Variants in SEPTIN4 observed in about 807,000 individuals in gnomAD.
SEPTIN4 encodes the protein septin 4.
A neutral mutation model predicts 107.1 loss-of-function variants in SEPTIN4; 52 were observed. The observed-to-expected ratio is 0.49, with a 90% CI of 0.39 to 0.61. The LOEUF (loss-of-function observed/expected upper bound fraction) is 0.61. Among genes scored for constraint, SEPTIN4 ranks in the 20% least tolerant of loss-of-function variants. The pLI is 0.00. For missense variants in SEPTIN4, 1,048 were observed against 1,243.5 expected (o/e 0.84, Z 2.36); for synonymous variants, 417 against 467.0 (o/e 0.89, Z 1.38).
In SEPTIN4 at chr17:58,526,305, C is replaced by T. The variant is rs1192193306; in HGVS notation, c.1920G>A (p.Lys640=). The T allele has an allele frequency of 1.2e-5, 19 of 1,587,336 alleles. No individual in the cohort carries two copies. The highest frequency in any genetic ancestry group is 1.5e-5 in the Non-Finnish European group (18 of 1,167,116). The change falls in exon 5 of 14, where the codon AAG becomes AAA. Residue 640 remains lysine (K), a synonymous_variant. Coordinates refer to ENST00000672673, the MANE Select transcript of SEPTIN4 (RefSeq NM_001368771.2). ...GGAGGGTTGCAAAGCCCACATACTC[C>T]TTGTCATCCTAGTAGACAGGAAGGC... ...LDPYDSSEDD[K]EYVGFATLPN... is the part of the protein sequence containing the mutation.
intron 3 of SEPTIN4, chr17:58,529,351 G>A: frequency 6.8e-7 from 1 of 1,472,300 alleles, no homozygotes; most frequent in Non-Finnish European, 9.0e-7. Context: ...AAAAAAGCCT[G>A]TGGAATGTCC....
Position 58,543,841 on chromosome 17 carries a change from C to A in SEPTIN4, c.346G>T (p.Ala116Ser). 6.2e-7 allele frequency: 1 copy of A among 1,614,154 alleles called. No homozygotes were observed. The highest frequency in any genetic ancestry group is 8.5e-7 in the Non-Finnish European group (1 of 1,180,036). ...SQKTQTLASH[A>S]SSRQWKVSPP... is the part of the protein sequence containing the mutation. Reference sequence around the variant, plus strand: ...CTAACTTTCCATTGTCTGCTTGAAGCATGGGAAGCCAGTGTCTGAGTCTTC... The same window carrying A: ...CTAACTTTCCATTGTCTGCTTGAAGAATGGGAAGCCAGTGTCTGAGTCTTC... The change falls in exon 1 of 14, where the codon GCT becomes TCT. Residue 116 changes from alanine to serine, a missense_variant. By Grantham distance (99) the Ala-to-Ser change is moderately conservative. Transcript: ENST00000672673.
intron 5 of SEPTIN4, 153 bp from the exon 6 acceptor site, chr17:58,525,934 C>T: frequency 1.2e-6 from 1 of 853,358 alleles, no homozygotes; most frequent in Non-Finnish European, 1.8e-6. Flanking sequence ...GGAGGAAGCA[C>T]AGAGATTGGC....
chr17:58,524,037 C>A (rs2042562713), intron 7 of SEPTIN4, among the ~76,000 whole-genome samples: 1 of 152,164 alleles, frequency 6.6e-6, no homozygotes, highest in Non-Finnish European at 1.5e-5. Context: ...TGAAGGAGAT[C>A]ATTTGCTCAA....
intron 3 of SEPTIN4, among the ~76,000 whole-genome samples, chr17:58,528,805 G>C (rs1483031794): frequency 2.0e-5 from 3 of 152,196 alleles, no homozygotes; most frequent in Admixed American, 1.3e-4. Context: ...CAGGAGCACT[G>C]AGTGGAGGGG....
Position 58,543,534 on chromosome 17 carries a change from G to A in SEPTIN4, c.653C>T (p.Ser218Phe). Residue 218 changes from serine (S) to phenylalanine (F), a missense_variant, in exon 1 of 14, where the codon TCT becomes TTT. By Grantham distance (155) the Ser-to-Phe change is radical. Coordinates refer to ENST00000672673, the MANE Select transcript of SEPTIN4 (RefSeq NM_001368771.2). ...QRITTTSEIR[S>F]PRSPSLLEHG... ...CTCTAGGAGAGAGGGACTCCTTGGA[G>A]ATCTGATCTCACTAGTAGTCGTAAT... 1.2e-6 allele frequency: 2 copies of A among 1,614,206 alleles called. No homozygotes were observed. The highest frequency in any genetic ancestry group is 1.7e-6 in the Non-Finnish European group (2 of 1,180,028).
rs187147200 is a variant in SEPTIN4, at chr17:58,542,568, C to T, written c.1561+58G>A. ...GAAGAGGTGGTCTTTCCTGCCCACC[C>T]CAACATCCCATCTCACTAAATTGGG... On this transcript the variant is annotated intron_variant, in intron 1 of 13. Coordinates refer to ENST00000672673, the MANE Select transcript of SEPTIN4 (RefSeq NM_001368771.2). 1.3e-3 allele frequency: 2,055 copies of T among 1,547,260 alleles called. 7 individuals are homozygous for T. The highest frequency in any genetic ancestry group is 5.4e-3 in the Middle Eastern group (22 of 4,098).
At chr17:58,541,661 G>C (rs2043878217) in intron 2 of SEPTIN4, 19 of 1,041,712 alleles carry the variant, frequency 1.8e-5, no homozygotes, top group Non-Finnish European at 2.6e-5. Context: ...AAGGCCATGA[G>C]GCTTAAATTA....
At chr17:58,528,010 C>T in intron 3 of SEPTIN4, 2 of 985,564 alleles carry the variant, frequency 2.0e-6, no homozygotes, top group Non-Finnish European at 2.4e-6. Context: ...TTCTCCTCTC[C>T]TTTGGGGGTC....
chr17:58,524,473 AG>A (rs1430587307), intron 7 of SEPTIN4: 1 of 152,172 alleles, frequency 6.6e-6, no homozygotes, highest in African/African-American at 2.4e-5. Flanking sequence ...GAAAGGAAAA[AG>A]GGTGACAGTT....
chr17:58,529,136 A>T, intron 3 of SEPTIN4: 1 of 1,614,202 alleles, frequency 6.2e-7, no homozygotes, highest in Non-Finnish European at 8.5e-7. Flanking sequence ...TCCTGTCCTC[A>T]GGGACAGAAT....
At position 58,521,488 on chromosome 17, in the gene SEPTIN4, C is replaced by A. The variant is rs1598248528; in HGVS notation, c.2571+57G>T. 1.9e-6 allele frequency: 3 copies of A among 1,594,908 alleles called. No homozygotes were observed. The highest frequency in any genetic ancestry group is 1.1e-5 in the South Asian group (1 of 90,660). On this transcript the variant is annotated intron_variant, in intron 10 of 13. Coordinates refer to ENST00000672673, the MANE Select transcript of SEPTIN4 (RefSeq NM_001368771.2). This position sits in a 1 kb window ranked among gnomAD's most constrained non-coding sequence, Gnocchi z 6.4. The stretch of plus-strand genomic sequence containing the variant: ...GATAGCCTGAATATAGAATTCTACT[C>A]CCTTTTTCTACCCGGAAGAAATAAG...
chr17:58,521,746 T>C lies in SEPTIN4; in HGVS notation c.2459A>G (p.Lys820Arg). The change falls in exon 9 of 14, where the codon AAG (lysine) becomes AGG (arginine). Residue 820 changes from lysine (K) to arginine (R), a missense_variant. Around this residue, in one of 2 missense-constraint regions of SEPTIN4, gnomAD observed 261 missense variants for 371.7 expected, o/e 0.70. Coordinates refer to ENST00000672673, the MANE Select transcript of SEPTIN4 (RefSeq NM_001368771.2). This position sits in a 1 kb window ranked among gnomAD's most constrained non-coding sequence, Gnocchi z 6.4. ...DTLTPPEVDH[K>R]KRKIREEIEH... ...ACCAGCTTCCCTCACTTTGCGTTTC[T>C]TGTGGTCCACTTCGGGAGGTGTCAG... 2.5e-6 allele frequency: 4 copies of C among 1,614,248 alleles called. No individual in the cohort carries two copies. The highest frequency in any genetic ancestry group is 2.5e-6 in the Non-Finnish European group (3 of 1,180,042).
Position 58,521,718 on chromosome 17 carries a change from A to G in SEPTIN4, c.2469+18T>C. 3 of 1,614,158 alleles carry G rather than the reference A, an allele frequency of 1.9e-6. No homozygotes were observed. Among genetic ancestry groups the G allele is most frequent in the East Asian group, 4.5e-5 (2 of 44,876 alleles). On this transcript the variant is annotated intron_variant, in intron 9 of 13. Coordinates refer to ENST00000672673, the MANE Select transcript of SEPTIN4 (RefSeq NM_001368771.2). This position sits in a 1 kb window ranked among gnomAD's most constrained non-coding sequence, Gnocchi z 6.4. ...CTAGAAGCCCACCTGATCCCCTCCC[A>G]CCACCAGCTTCCCTCACTTTGCGTT...
In SEPTIN4 at chr17:58,520,757, C is replaced by G. The variant is rs1476563430; in HGVS notation, c.2917G>C (p.Glu973Gln). ...TDPETEKLIR[E>Q]KDEELRRMQE... ...ACTGCTCTCACCTCCTCATCTTTCTCTCGGATAAGCTTCTCAGTTTCTGGA... is the reference window on the plus strand; with the variant it reads ...ACTGCTCTCACCTCCTCATCTTTCTGTCGGATAAGCTTCTCAGTTTCTGGA... Residue 973 changes from glutamate to glutamine, a missense_variant, in exon 13 of 14, where the codon GAG becomes CAG. By Grantham distance (29) the Glu-to-Gln change is conservative (BLOSUM62 2). Transcript: ENST00000672673. 1 of 1,614,152 alleles carries G rather than the reference C, an allele frequency of 6.2e-7. No homozygotes were observed. The highest frequency in any genetic ancestry group is 1.1e-5 in the South Asian group (1 of 91,030).
At chr17:58,539,198 G>C (rs2043812199) in intron 3 of SEPTIN4, 2 of 1,528,796 alleles carry the variant, frequency 1.3e-6, no homozygotes, top group Non-Finnish European at 1.8e-6. Flanking sequence ...CTGCTGAACA[G>C]GGCTGGAGAG....
chr17:58,520,548 C>T, intron 13 of SEPTIN4, 63 bp from the exon 14 acceptor site: 1 of 1,592,062 alleles, frequency 6.3e-7, no homozygotes, highest in South Asian at 1.1e-5. Flanking sequence ...TGGGAAAGTG[C>T]CCCAAATTTC....
At chr17:58,520,680 C>T in intron 13 of SEPTIN4, 63 bp downstream of exon 13, 1 of 1,599,402 alleles carries the variant, frequency 6.3e-7, no homozygotes, top group Non-Finnish European at 8.6e-7. Flanking sequence ...TATTACCAAA[C>T]AAAGAGATAC....
At position 58,541,914 on chromosome 17, in the gene SEPTIN4, GCA is replaced by G. The variant is rs779503642; in HGVS notation, c.1606+6_1606+7del. ...CACAGTGGGCCCATAGGAGGGAAAA[GCA>G]CAGACCTTTTAGCCACCAGATGACA... is the stretch of plus-strand genomic sequence containing the variant. On this transcript the variant is annotated splice_donor_region_variant and intron_variant, in intron 2 of 13. Coordinates refer to ENST00000672673, the MANE Select transcript of SEPTIN4 (RefSeq NM_001368771.2). The G allele has an allele frequency of 2.5e-6, 4 of 1,614,058 alleles. No homozygotes were observed. The highest frequency in any genetic ancestry group is 3.4e-6 in the Non-Finnish European group (4 of 1,179,980).
Sources: gnomAD v4.1 joint callset for allele counts (sites outside exome capture counted in the v4.1 genomes callset) on GRCh38, gnomAD v4.1.1 for gene constraint, gnomAD v4.1.1 regional missense constraint, Gnocchi (gnomAD v3.1) non-coding constraint, MANE v1.5 for transcripts, NCBI Gene and HGNC (gene_info 2026-07-23, HGNC 2026-07-21) for gene names.